Variants in NEDD9 observed in about 807,000 individuals in gnomAD.
The protein encoded by NEDD9 is neural precursor cell expressed, developmentally down-regulated 9.
A neutral mutation model predicts 76.6 loss-of-function variants in NEDD9; 26 were observed. The observed-to-expected ratio is 0.34, with a 90% CI of 0.25 to 0.47. NEDD9 has a LOEUF of 0.47. NEDD9 is among the 20% of genes least tolerant of loss of function. NEDD9 has a pLI of 1.00. For synonymous variants in NEDD9, 392 were observed against 414.2 expected (o/e 0.95, Z 0.65); for missense variants, 937 against 1,058.5 (o/e 0.89, Z 1.59).
intron 1 of NEDD9, chr6:11,214,105 A>G: frequency 4.3e-6 from 2 of 467,002 alleles, no homozygotes; most frequent in Non-Finnish European, 8.3e-6. Context: ...AGATATTCAG[A>G]TGTTCGACAA....
At chr6:11,318,471 G>A (rs1198370154) in intron 2 of NEDD9, among the ~76,000 whole-genome samples, 1 of 152,080 alleles carries the variant, frequency 6.6e-6, no homozygotes, top group Non-Finnish European at 1.5e-5. Context: ...GATCGCTGAC[G>A]GCGTTGATGA....
rs1465563003 is a variant in NEDD9, at chr6:11,321,151, AG to A, written c.-153+13349del. On this transcript the variant is annotated intron_variant, in intron 2 of 3. Transcript: ENST00000397378. ...AAGGAAGGAAGAAGGGAGGGACAGA[AG>A]GAAGGAGGGAGGGAAAGAAGGAAGG... is the stretch of plus-strand genomic sequence containing the variant. Among the ~76,000 whole-genome samples, 618 of 100,602 alleles carry A rather than the reference AG, an allele frequency of 6.1e-3. 6 individuals are homozygous for A. Among genetic ancestry groups the A allele is most frequent in the African/African-American group, 0.024 (579 of 24,170 alleles). The allele number at this position is 100,602 out of a possible 152,430, so 66.0% of individuals were successfully genotyped here.
At chr6:11,300,599 A>G (rs1351870049) in intron 3 of NEDD9, among the ~76,000 whole-genome samples, 2 of 152,216 alleles carry the variant, frequency 1.3e-5, no homozygotes, top group African/African-American at 4.8e-5. Context: ...AAAAATGTTA[A>G]GGGCAGCCAG....
At chr6:11,245,419 A>G (rs78344469) in intron 3 of NEDD9, among the ~76,000 whole-genome samples, 3,349 of 152,324 alleles carry the variant, frequency 0.022, 69 homozygotes, top group East Asian at 0.11. Flanking sequence ...GTAGATCTGT[A>G]TAAATATTTA....
intron 2 of NEDD9, among the ~76,000 whole-genome samples, chr6:11,333,594 C>T (rs1383468070): frequency 6.6e-6 from 1 of 152,198 alleles, no homozygotes; most frequent in African/African-American, 2.4e-5. Flanking sequence ...GTGCAGAGAC[C>T]ACAGCCAGGG....
chr6:11,232,675 A>G, upstream of NEDD9: 1 of 1,491,130 alleles, frequency 6.7e-7, no homozygotes, highest in Non-Finnish European at 8.9e-7. Flanking sequence ...CTCTGAGCTC[A>G]CTGTTGTGAC....
intron 2 of NEDD9, among the ~76,000 whole-genome samples, chr6:11,311,775 G>A (rs932406203): frequency 3.3e-5 from 5 of 152,172 alleles, no homozygotes; most frequent in Non-Finnish European, 7.3e-5. Flanking sequence ...TGGGTCGGGC[G>A]CAGAAGAAAT....
chr6:11,247,354 C>A (rs1052108614), intron 3 of NEDD9, among the ~76,000 whole-genome samples: 1 of 152,180 alleles, frequency 6.6e-6, no homozygotes, highest in Admixed American at 6.5e-5. Context: ...GTATGAATCC[C>A]TAATGCTGCC....
At chr6:11,247,826 A>G (rs1561805515) in intron 3 of NEDD9, among the ~76,000 whole-genome samples, 1 of 152,228 alleles carries the variant, frequency 6.6e-6, no homozygotes, top group Admixed American at 6.5e-5. Flanking sequence ...GATAACAGCC[A>G]AAAAATGGTA....
At chr6:11,272,628 T>C (rs1036817247) in intron 3 of NEDD9, among the ~76,000 whole-genome samples, 2 of 152,186 alleles carry the variant, frequency 1.3e-5, no homozygotes, top group African/African-American at 4.8e-5. Context: ...TGTGTTTCCT[T>C]TCCCCCACCT....
intron 4 of NEDD9, among the ~76,000 whole-genome samples, chr6:11,191,681 C>T (rs1404079272): frequency 6.6e-6 from 1 of 152,134 alleles, no homozygotes. Context: ...GTGAGTCAAA[C>T]GAGTTCACTC....
intron 3 of NEDD9, among the ~76,000 whole-genome samples, chr6:11,285,533 AC>A (rs1760630049): frequency 6.6e-6 from 1 of 152,192 alleles, no homozygotes; most frequent in African/African-American, 2.4e-5. Context: ...CTAGAACAGC[AC>A]AAACAAAAAG....
intron 2 of NEDD9, among the ~76,000 whole-genome samples, chr6:11,194,967 C>T (rs770412872): frequency 4.6e-5 from 7 of 152,170 alleles, no homozygotes; most frequent in Non-Finnish European, 8.8e-5. Context: ...CAAGCGTTGC[C>T]CACGACATCT....
chr6:11,348,379 C>A (rs1762403103), intron 1 of NEDD9, among the ~76,000 whole-genome samples: 2 of 152,298 alleles, frequency 1.3e-5, no homozygotes, highest in Non-Finnish European at 2.9e-5. Flanking sequence ...AGATTCAATG[C>A]TATTCCTATC....
In NEDD9 at chr6:11,229,863, C is replaced by T. The variant is rs146662482; in HGVS notation, c.12+2641G>A. On this transcript the variant is annotated intron_variant, in intron 1 of 6. Coordinates refer to ENST00000379446, the MANE Select transcript of NEDD9 (RefSeq NM_006403.4). Reference sequence around the variant, plus strand: ...TCTCAGGATTACTGCAAGTACCTTGCTGCCTGGCCTGAAGCTATGTATATT... The same window carrying T: ...TCTCAGGATTACTGCAAGTACCTTGTTGCCTGGCCTGAAGCTATGTATATT... Among the ~76,000 whole-genome samples the T allele has an allele frequency of 3.0e-3, 450 of 152,314 alleles. 2 individuals are homozygous for T. Among genetic ancestry groups the T allele is most frequent in the African/African-American group, 9.7e-3 (403 of 41,560 alleles).
At chr6:11,235,862 G>A (rs577055526), upstream of NEDD9, among the ~76,000 whole-genome samples, 177 of 152,280 alleles carry the variant, frequency 1.2e-3, no homozygotes, top group African/African-American at 4.0e-3. The surrounding 1 kb of genome is among the most constrained non-coding windows in gnomAD (Gnocchi z 4.1). Context: ...GAGGTAGGTG[G>A]TAGGGAGCTT....
intron 3 of NEDD9, among the ~76,000 whole-genome samples, chr6:11,267,001 C>T (rs139786755): frequency 1.3e-5 from 2 of 152,334 alleles, no homozygotes; most frequent in African/African-American, 4.8e-5. Flanking sequence ...AGGATTGCTT[C>T]TGTCAGGTAG....
At chr6:11,380,920 C>T (rs1454937903) in intron 1 of NEDD9, among the ~76,000 whole-genome samples, 6 of 152,132 alleles carry the variant, frequency 3.9e-5, no homozygotes, top group Non-Finnish European at 7.4e-5. Context: ...GCAATCCTCC[C>T]GCCTTAGCCT....
intron 1 of NEDD9, among the ~76,000 whole-genome samples, chr6:11,221,107 G>A (rs931672675): frequency 1.3e-5 from 2 of 152,136 alleles, no homozygotes; most frequent in Non-Finnish European, 2.9e-5. Flanking sequence ...TGGAGGCCGC[G>A]CACGGTGGCT....
Sources: allele counts gnomAD v4.1 joint callset (sites outside exome capture counted in the v4.1 genomes callset), GRCh38; gene constraint gnomAD v4.1.1; non-coding constraint Gnocchi (gnomAD v3.1); transcripts MANE v1.5; gene names NCBI Gene and HGNC (gene_info 2026-07-23, HGNC 2026-07-21).